Variants in ROBO1 observed in about 807,000 individuals in gnomAD.
The protein encoded by ROBO1 is roundabout homolog 1.
A neutral mutation model predicts 195.9 loss-of-function variants in ROBO1; 149 were observed. That is an observed-to-expected ratio of 0.76 (90% CI 0.67 to 0.87). The LOEUF (loss-of-function observed/expected upper bound fraction) is 0.87. Ranked by LOEUF, ROBO1 falls within the 40% of genes least tolerant of loss-of-function variation. The pLI, the probability that ROBO1 is intolerant of heterozygous loss-of-function variation, is 0.00. For missense variants in ROBO1, 1,933 were observed against 2,068.3 expected, an observed-to-expected ratio of 0.93 and a Z score of 1.27; for synonymous variants, 816 against 733.2, an observed-to-expected ratio of 1.11 and a Z score of -1.82.
intron 3 of ROBO1, among the ~76,000 whole-genome samples, chr3:79,062,122 A>G (rs528473778): frequency 4.0e-5 from 6 of 151,640 alleles, no homozygotes; most frequent in African/African-American, 1.5e-4. Flanking sequence ...GCTAATATCC[A>G]GAATCTACAC....
At chr3:78,851,465 C>T (rs1000660941) in intron 4 of ROBO1, among the ~76,000 whole-genome samples, 1 of 152,186 alleles carries the variant, frequency 6.6e-6, no homozygotes, top group Non-Finnish European at 1.5e-5. Context: ...AACCAGGTCC[C>T]ACTTTCCTCA....
Position 78,617,987 on chromosome 3 carries a change from G to C in ROBO1, c.3930C>G (p.Thr1310=), listed in dbSNP as rs763923519. The change falls in exon 27 of 31, where the codon ACC becomes ACG. Residue 1310 remains threonine (T), a synonymous_variant. Coordinates refer to ENST00000464233, the MANE Select transcript of ROBO1 (RefSeq NM_002941.4). ...PPPRPISPPH[T]YGYISGPLVS... The stretch of plus-strand genomic sequence containing the variant: ...CCAGGGGTCCTGAAATGTAGCCATA[G>C]GTATGTGGAGGGGAGATCGGCCGTG... 4 of 1,613,862 alleles carry C rather than the reference G, an allele frequency of 2.5e-6. No homozygotes were observed. In the Admixed American group the frequency reaches 5.0e-5, roughly 20 times the overall value.
At chr3:79,064,302 A>G (rs906573818) in intron 3 of ROBO1, among the ~76,000 whole-genome samples, 2 of 151,900 alleles carry the variant, frequency 1.3e-5, no homozygotes, top group Admixed American at 1.3e-4. Context: ...TTCCTTACAT[A>G]CTTGTATACA....
intron 2 of ROBO1, among the ~76,000 whole-genome samples, chr3:79,402,111 C>A (rs1575776764): frequency 6.6e-6 from 1 of 151,620 alleles, no homozygotes; most frequent in South Asian, 2.1e-4. Flanking sequence ...TCTCAAAATA[C>A]AACGTAATTT....
At chr3:78,886,299 T>G (rs2036568301) in intron 4 of ROBO1, among the ~76,000 whole-genome samples, 1 of 152,008 alleles carries the variant, frequency 6.6e-6, no homozygotes, top group Non-Finnish European at 1.5e-5. Context: ...TTTTGTTCAT[T>G]AAAAAATTGT....
At chr3:79,448,521 T>C (rs2107180134) in intron 2 of ROBO1, among the ~76,000 whole-genome samples, 1 of 152,288 alleles carries the variant, frequency 6.6e-6, no homozygotes, top group East Asian at 1.9e-4. Flanking sequence ...TAATGTCTGC[T>C]ATTTGTCCTC....
intron 10 of ROBO1, among the ~76,000 whole-genome samples, chr3:78,680,126 C>T (rs1440858327): frequency 1.3e-5 from 2 of 152,198 alleles, no homozygotes; most frequent in Non-Finnish European, 2.9e-5. Flanking sequence ...ACTGGCTAGT[C>T]ATATGTAGAA....
intron 2 of ROBO1, among the ~76,000 whole-genome samples, chr3:79,462,080 T>G (rs1207955883): frequency 1.3e-5 from 2 of 152,188 alleles, no homozygotes; most frequent in Non-Finnish European, 1.5e-5. Flanking sequence ...GTAAGTAACA[T>G]AAAGTTGAAG....
At chr3:79,355,641 T>C (rs1304764516) in intron 2 of ROBO1, among the ~76,000 whole-genome samples, 4 of 152,216 alleles carry the variant, frequency 2.6e-5, no homozygotes, top group Non-Finnish European at 4.4e-5. Flanking sequence ...AGATTCCATA[T>C]ATTTGTAAAC....
chr3:79,624,310 T>C (rs997597252), intron 1 of ROBO1, among the ~76,000 whole-genome samples: 9 of 152,026 alleles, frequency 5.9e-5, no homozygotes, highest in African/African-American at 2.2e-4. Flanking sequence ...AATAATCAAA[T>C]AGCAGAATGA....
chr3:78,675,686 G>A (rs1258920519), intron 10 of ROBO1, among the ~76,000 whole-genome samples: 6 of 152,174 alleles, frequency 3.9e-5, no homozygotes, highest in Non-Finnish European at 8.8e-5. Context: ...CGAACTGGGT[G>A]GAGCCCACCA....
At chr3:78,688,130 T>G (rs778176883) in intron 9 of ROBO1, among the ~76,000 whole-genome samples, 10 of 152,212 alleles carry the variant, frequency 6.6e-5, no homozygotes, top group Non-Finnish European at 2.9e-5. Context: ...TTACAGCAAA[T>G]GTTGACTGCA....
At chr3:79,182,443 G>A (rs1195960406) in intron 2 of ROBO1, among the ~76,000 whole-genome samples, 1 of 151,276 alleles carries the variant, frequency 6.6e-6, no homozygotes, top group Non-Finnish European at 1.5e-5. Flanking sequence ...TACAAATGAA[G>A]CATCTACACT....
intron 3 of ROBO1, among the ~76,000 whole-genome samples, chr3:79,080,359 C>T (rs932814645): frequency 7.3e-5 from 11 of 151,664 alleles, no homozygotes; most frequent in African/African-American, 2.4e-4. Flanking sequence ...GTGTTTCTAG[C>T]CACTCACATA....
chr3:78,725,805 G>C (rs2082147879), intron 5 of ROBO1, among the ~76,000 whole-genome samples: 2 of 152,182 alleles, frequency 1.3e-5, no homozygotes, highest in Admixed American at 6.5e-5. Context: ...TTATCCGAGA[G>C]TACACAGCTT....
intron 3 of ROBO1, among the ~76,000 whole-genome samples, chr3:78,998,307 T>A (rs1261660775): frequency 6.6e-6 from 1 of 152,098 alleles, no homozygotes; most frequent in Admixed American, 6.6e-5. Context: ...GTAATAGTAA[T>A]AACGACGGCA....
At chr3:79,037,581 T>C (rs1167006664) in intron 3 of ROBO1, among the ~76,000 whole-genome samples, 1 of 152,196 alleles carries the variant, frequency 6.6e-6, no homozygotes, top group Non-Finnish European at 1.5e-5. Context: ...TAAGGGATTT[T>C]ATGTTTACCA....
chr3:78,601,201 T>C (rs1462274904), intron 29 of ROBO1, among the ~76,000 whole-genome samples: 2 of 152,218 alleles, frequency 1.3e-5, no homozygotes, highest in African/African-American at 4.8e-5. Context: ...ATTGCCTGAG[T>C]GAAGCCTGAT....
At chr3:79,150,335 C>T (rs1411877099) in intron 2 of ROBO1, among the ~76,000 whole-genome samples, 3 of 151,506 alleles carry the variant, frequency 2.0e-5, no homozygotes, top group East Asian at 3.9e-4. Flanking sequence ...ATCACAAGTC[C>T]ATCCTTTTAT....
Sources: gnomAD v4.1 joint callset for allele counts (sites outside exome capture counted in the v4.1 genomes callset) on GRCh38, gnomAD v4.1.1 for gene constraint, MANE v1.5 for transcripts, NCBI Gene and HGNC (gene_info 2026-07-23, HGNC 2026-07-21) for gene names.